The following MECOM variants were observed in gnomAD, a reference collection of about 807,000 sequenced individuals.
MECOM encodes MDS1 and EVI1 complex locus.
In MECOM, 13 loss-of-function variants were observed where a neutral mutation model predicts 116.3. The observed-to-expected ratio is 0.11, with a 90% CI of 0.07 to 0.18. The LOEUF (loss-of-function observed/expected upper bound fraction) is 0.18, where lower values mean the gene tolerates loss of function less well. MECOM is among the 10% of genes least tolerant of loss of function. The probability of loss-of-function intolerance (pLI) is 1.00; values close to 1 mark genes in which losing one functional copy is unlikely to be tolerated. For synonymous variants in MECOM, 528 were observed against 535.2 expected (o/e 0.99, Z 0.19); for missense variants, 1,299 against 1,509.0 (o/e 0.86, Z 2.31).
chr3:169,609,985 C>T (rs1769051882), intron 1 of MECOM, among the ~76,000 whole-genome samples: 2 of 152,104 alleles, frequency 1.3e-5, no homozygotes, highest in Admixed American at 1.3e-4. Context: ...TACTACATTT[C>T]CCCAAAGGAT....
intron 2 of MECOM, among the ~76,000 whole-genome samples, chr3:169,297,902 A>G (rs1419209604): frequency 1.3e-5 from 2 of 152,224 alleles, no homozygotes; most frequent in African/African-American, 4.8e-5. Context: ...TTGATACCAT[A>G]AACAGAAACA....
At chr3:169,286,694 G>C (rs1713392749) in intron 2 of MECOM, among the ~76,000 whole-genome samples, 1 of 152,160 alleles carries the variant, frequency 6.6e-6, no homozygotes, top group Non-Finnish European at 1.5e-5. Context: ...AGGTTGTGTT[G>C]TTATAGGTAT....
chr3:169,617,325 G>A (rs927324576), intron 1 of MECOM, among the ~76,000 whole-genome samples: 1 of 152,186 alleles, frequency 6.6e-6, no homozygotes, highest in African/African-American at 2.4e-5. Context: ...GAATGTTCAT[G>A]TGCACCCAGA....
chr3:169,276,338 G>T (rs189598469), intron 2 of MECOM, among the ~76,000 whole-genome samples: 8 of 152,244 alleles, frequency 5.3e-5, no homozygotes, highest in Admixed American at 2.0e-4. Context: ...GATCACCTGA[G>T]ATCAGGAATT....
chr3:169,374,850 T>A (rs1448642793), intron 2 of MECOM, among the ~76,000 whole-genome samples: 5 of 151,946 alleles, frequency 3.3e-5, no homozygotes, highest in Admixed American at 2.0e-4. Context: ...CTGGGCAACA[T>A]AATGAGACCC....
chr3:169,293,475 G>T (rs1577615790), intron 2 of MECOM, among the ~76,000 whole-genome samples: 1 of 152,258 alleles, frequency 6.6e-6, no homozygotes, highest in East Asian at 1.9e-4. Context: ...TATTCTCTTA[G>T]GCTGAAATGC....
At chr3:169,298,816 G>A (rs1448608138) in intron 2 of MECOM, among the ~76,000 whole-genome samples, 1 of 152,164 alleles carries the variant, frequency 6.6e-6, no homozygotes, top group Non-Finnish European at 1.5e-5. Flanking sequence ...CAGGATGACC[G>A]AATGTGTGGT....
intron 2 of MECOM, among the ~76,000 whole-genome samples, chr3:169,157,145 CGTGCTTGCTTCTATTGAAA>C (rs1427639922): frequency 6.6e-6 from 1 of 152,162 alleles, no homozygotes; most frequent in Non-Finnish European, 1.5e-5. Flanking sequence ...TTCTATTGAA[CGTGCTTGCTTCTATTGAAA>C]GTACACCTAA....
intron 2 of MECOM, among the ~76,000 whole-genome samples, chr3:169,328,397 T>G (rs1168978193): frequency 6.6e-6 from 1 of 152,242 alleles, no homozygotes; most frequent in Non-Finnish European, 1.5e-5. Flanking sequence ...ATAGCTCATC[T>G]CTATTTGCTT....
rs532656813 is a variant in MECOM at position 169,552,531 on chromosome 3, C to T, written c.37+110805G>A. 4.6e-5 allele frequency among the ~76,000 whole-genome samples: 7 copies of T among 152,260 alleles called. No individual in the cohort carries two copies. The South Asian group carries it at 1.2e-3, about 27-fold the overall frequency. On this transcript the variant is annotated intron_variant, in intron 1 of 16. Transcript: ENST00000651503. ...ACAACTCTATAAGGTGAGTACTATT[C>T]TTCTCTCTATTTAATATAGGAGGAA...
chr3:169,444,790 G>A (rs1744328307), intron 1 of MECOM, among the ~76,000 whole-genome samples: 1 of 152,186 alleles, frequency 6.6e-6, no homozygotes, highest in Admixed American at 6.5e-5. Context: ...TTAGAGACTT[G>A]TTGAATGGCT....
chr3:169,617,537 T>G (rs1312596413), intron 1 of MECOM, among the ~76,000 whole-genome samples: 1 of 152,176 alleles, frequency 6.6e-6, no homozygotes, highest in East Asian at 1.9e-4. Context: ...CTAGGTGTCT[T>G]CTTTCCTGCC....
At chr3:169,658,844 G>A (rs1170147136) in intron 1 of MECOM, among the ~76,000 whole-genome samples, 4 of 152,090 alleles carry the variant, frequency 2.6e-5, no homozygotes, top group Non-Finnish European at 5.9e-5. Flanking sequence ...CGCTTCCAGC[G>A]GAGGCAACGC....
chr3:169,512,920 A>C (rs1318448057), intron 1 of MECOM, among the ~76,000 whole-genome samples: 1 of 152,230 alleles, frequency 6.6e-6, no homozygotes, highest in African/African-American at 2.4e-5. Flanking sequence ...ATCCCTCCTA[A>C]TCATGGCTGG....
intron 2 of MECOM, among the ~76,000 whole-genome samples, chr3:169,166,602 A>G (rs1743630096): frequency 6.6e-6 from 1 of 152,142 alleles, no homozygotes; most frequent in African/African-American, 2.4e-5. Flanking sequence ...TAATCCATGT[A>G]AAAACAGAGA....
chr3:169,281,988 C>T (rs1712150683), intron 2 of MECOM, among the ~76,000 whole-genome samples: 1 of 152,068 alleles, frequency 6.6e-6, no homozygotes, highest in South Asian at 2.1e-4. Context: ...ATTCACAAAA[C>T]CTACATCCTC....
chr3:169,500,577 T>G (rs1227291631), intron 1 of MECOM, among the ~76,000 whole-genome samples: 1 of 151,838 alleles, frequency 6.6e-6, no homozygotes, highest in East Asian at 1.9e-4. Context: ...TTTTAATAGT[T>G]TATACAAAAA....
chr3:169,595,837 G>T (rs188972155), intron 1 of MECOM, among the ~76,000 whole-genome samples: 1 of 152,116 alleles, frequency 6.6e-6, no homozygotes, highest in Non-Finnish European at 1.5e-5. Context: ...ACCAAAACCA[G>T]AGAGGTAGTA....
intron 3 of MECOM, among the ~76,000 whole-genome samples, chr3:169,142,630 T>G (rs1738480014): frequency 6.6e-6 from 1 of 151,970 alleles, no homozygotes; most frequent in African/African-American, 2.4e-5. Flanking sequence ...TTTTAAATGA[T>G]TTCCATTTAA....
Sources: gnomAD v4.1 joint callset for allele counts (sites outside exome capture counted in the v4.1 genomes callset) on GRCh38, gnomAD v4.1.1 for gene constraint, MANE v1.5 for transcripts, NCBI Gene and HGNC (gene_info 2026-07-23, HGNC 2026-07-21) for gene names.